CEP83: variants seen among roughly 807,000 people sequenced by gnomAD.
The protein encoded by CEP83 is centrosomal protein 83.
Under a neutral mutation model 101.9 loss-of-function variants are expected in CEP83, and 70 were observed. The observed-to-expected ratio is 0.69, with a 90% CI of 0.57 to 0.84. The LOEUF is 0.84. Ranked by LOEUF, CEP83 falls within the 40% of genes least tolerant of loss-of-function variation. The pLI, the probability that CEP83 is intolerant of heterozygous loss-of-function variation, is 0.00. For missense variants in CEP83, 715 were observed against 787.2 expected (o/e 0.91, Z 1.10); for synonymous variants, 264 against 267.9 (o/e 0.99, Z 0.14).
At chr12:94,424,189 C>T in intron 2 of CEP83, 5 of 1,608,320 alleles carry the variant, frequency 3.1e-6, no homozygotes, top group Non-Finnish European at 3.4e-6. Context: ...CTGGGTAAAA[C>T]CCATTCTGAA....
Position 94,425,023 on chromosome 12 carries a change from G to T in CEP83, c.-102+10252C>A, listed in dbSNP as rs61626173. ...AGAGAGAGAGAGAGAGAAAGGGAGG[G>T]GGTAAGAAAGACGGGGAGGGAGGGA... On this transcript the variant is annotated intron_variant, in intron 2 of 16. Coordinates refer to ENST00000397809, the MANE Select transcript of CEP83 (RefSeq NM_016122.3). 3.9e-5 allele frequency: 48 copies of T among 1,236,428 alleles called. No individual in the cohort carries two copies. In the African/African-American group the frequency reaches 6.8e-4, roughly 17 times the overall value. The allele number at this position is 1,236,428 out of a possible 1,614,324, so 76.6% of individuals were successfully genotyped here.
downstream of CEP83, chr12:94,305,102 C>G (rs1593031297): frequency 3.7e-6 from 3 of 800,884 alleles, no homozygotes; most frequent in Non-Finnish European, 6.2e-6. Context: ...TTTTACCACT[C>G]ACAGCATCAG....
At chr12:94,278,193 C>T in the CEP83 span, 1 of 370,368 alleles carries the variant, frequency 2.7e-6, no homozygotes, top group East Asian at 7.4e-5. Flanking sequence ...TTTACATTCC[C>T]TCGTTAAGCC....
chr12:94,314,742 C>G (rs1407217425), intron 14 of CEP83, among the ~76,000 whole-genome samples: 1 of 152,212 alleles, frequency 6.6e-6, no homozygotes, highest in Non-Finnish European at 1.5e-5. Context: ...CCTGTCTACC[C>G]TGGCAAAGGA....
intron 11 of CEP83, among the ~76,000 whole-genome samples, chr12:94,355,795 C>A (rs2060441281): frequency 6.6e-6 from 1 of 152,256 alleles, no homozygotes; most frequent in African/African-American, 2.4e-5. Context: ...AAAGCCTGAG[C>A]ATCTGTGTCT....
chr12:94,446,786 A>G (rs532246021), intron 1 of CEP83, among the ~76,000 whole-genome samples: 37 of 152,352 alleles, frequency 2.4e-4, no homozygotes, highest in Admixed American at 1.3e-3. Flanking sequence ...CTAGAAGGTC[A>G]GTAAAGAGAG....
chr12:94,360,602 TGAA>T (rs1178252567), intron 11 of CEP83, among the ~76,000 whole-genome samples: 1 of 151,930 alleles, frequency 6.6e-6, no homozygotes. Context: ...TTAAAGAAAT[TGAA>T]GACACCAAAA....
downstream of CEP83, chr12:94,303,729 T>G: frequency 1.5e-6 from 2 of 1,344,720 alleles, no homozygotes; most frequent in Non-Finnish European, 2.0e-6. Context: ...TTGGTGATGG[T>G]TGCTTTTTTT....
At chr12:94,391,003 G>A (rs964856809) in intron 6 of CEP83, among the ~76,000 whole-genome samples, 1 of 152,156 alleles carries the variant, frequency 6.6e-6, no homozygotes. Flanking sequence ...ACGTCTGACT[G>A]GTGTATCTGA....
chr12:94,390,829 T>C (rs975787041), intron 6 of CEP83, among the ~76,000 whole-genome samples: 8 of 152,132 alleles, frequency 5.3e-5, no homozygotes, highest in African/African-American at 1.4e-4. Flanking sequence ...TCGTGATGCA[T>C]GCAGAAGCTT....
At chr12:94,457,913 T>C (rs1594203738) in intron 1 of CEP83, among the ~76,000 whole-genome samples, 1 of 152,152 alleles carries the variant, frequency 6.6e-6, no homozygotes, top group East Asian at 1.9e-4. Context: ...TACCTGTGAA[T>C]AGGCCAGGCA....
intron 4 of CEP83, among the ~76,000 whole-genome samples, chr12:94,407,332 C>G (rs939265097): frequency 3.3e-5 from 5 of 152,154 alleles, no homozygotes; most frequent in Non-Finnish European, 5.9e-5. Context: ...GTATGTCAAT[C>G]AAATTGCTTA....
the CEP83 span, chr12:94,279,942 G>A: frequency 7.2e-5 from 37 of 515,056 alleles, no homozygotes; most frequent in South Asian, 5.4e-4. Flanking sequence ...GAGACTGCAC[G>A]GAATCACCTT....
At chr12:94,298,882 T>C in the CEP83 span, 1 of 1,249,902 alleles carries the variant, frequency 8.0e-7, no homozygotes, top group Non-Finnish European at 1.1e-6. Context: ...TATAGAAGGA[T>C]TCATTTATCT....
intron 1 of CEP83, among the ~76,000 whole-genome samples, chr12:94,437,117 G>A (rs1044471168): frequency 4.6e-5 from 7 of 151,998 alleles, no homozygotes; most frequent in African/African-American, 1.7e-4. Context: ...GCCAAGGCAG[G>A]AGGATCACTC....
At position 94,368,117 on chromosome 12, in the gene CEP83, C is replaced by T. The variant is rs781589454; in HGVS notation, c.1133G>A (p.Arg378His). 19 of 1,612,852 alleles carry T rather than the reference C, an allele frequency of 1.2e-5. No individual in the cohort carries two copies. Among genetic ancestry groups the T allele is most frequent in the Admixed American group, 6.7e-5 (4 of 59,970 alleles). Residue 378 changes from arginine to histidine, a missense_variant, in exon 10 of 17, where the codon CGT (arginine) becomes CAT (histidine). Transcript: ENST00000397809. Reference sequence around the variant, plus strand: ...TTCTTCTTTGGCAGCTTGTACTTTACGTATTAATTCACGATCCTTTTCTAC... The same window carrying T: ...TTCTTCTTTGGCAGCTTGTACTTTATGTATTAATTCACGATCCTTTTCTAC... The part of the protein sequence containing the change: ...LLVEKDRELI[R>H]KVQAAKEEGY...
chr12:94,372,175 T>C (rs2061337409), intron 8 of CEP83, among the ~76,000 whole-genome samples: 2 of 152,130 alleles, frequency 1.3e-5, no homozygotes, highest in South Asian at 2.1e-4. Flanking sequence ...GGTTTCACCA[T>C]CTTGGCCAGG....
At chr12:94,439,244 G>C (rs1338455399) in intron 1 of CEP83, among the ~76,000 whole-genome samples, 1 of 152,046 alleles carries the variant, frequency 6.6e-6, no homozygotes, top group African/African-American at 2.4e-5. Flanking sequence ...TAGACAAAAA[G>C]CTGGCTCTTT....
chr12:94,297,494 C>G, the CEP83 span: 3 of 1,059,874 alleles, frequency 2.8e-6, no homozygotes. Flanking sequence ...TTAATTTCCA[C>G]TGAAGTGTGA....
Sources: gnomAD v4.1 joint callset for allele counts (sites outside exome capture counted in the v4.1 genomes callset) on GRCh38, gnomAD v4.1.1 for gene constraint, MANE v1.5 for transcripts, NCBI Gene and HGNC (gene_info 2026-07-23, HGNC 2026-07-21) for gene names.